MTA2: variants seen among roughly 807,000 people sequenced by gnomAD.
MTA2 encodes metastasis associated 1 family member 2, also known as metastasis-associated protein MTA2.
A neutral mutation model predicts 87.1 loss-of-function variants in MTA2; 22 were observed. The observed-to-expected ratio is 0.25, with a 90% confidence interval of 0.18 to 0.36. The LOEUF is 0.36. MTA2 is among the 10% of genes least tolerant of loss of function. MTA2 has a pLI of 1.00. For missense variants in MTA2, 542 were observed against 853.2 expected (o/e 0.64, Z 4.54); for synonymous variants, 314 against 310.1 (o/e 1.01, Z -0.13).
Position 62,598,545 on chromosome 11 carries a change from T to C in MTA2, c.285A>G (p.Glu95=). The C allele has an allele frequency of 1.9e-6, 3 of 1,614,100 alleles. No homozygotes were observed. The highest frequency in any genetic ancestry group is 2.5e-6 in the Non-Finnish European group (3 of 1,180,036). The change falls in exon 4 of 18, where the codon GAA becomes GAG. Residue 95 remains glutamate, a synonymous_variant. Coordinates refer to ENST00000278823, the MANE Select transcript of MTA2 (RefSeq NM_004739.4). The stretch of plus-strand genomic sequence containing the variant: ...ACCGTATGTGGGTGGCTGGTAATGA[T>C]TCAAATTGCCGAGAAAGAAAAAGTT... ...HRELFLSRQF[E]SLPATHIRGK...
rs1942057464 is a variant in MTA2, at chr11:62,593,817, TG to T, written c.*57del. On this transcript the variant is annotated 3_prime_UTR_variant, in exon 18 of 18. Coordinates refer to ENST00000278823, the MANE Select transcript of MTA2 (RefSeq NM_004739.4). ...TTCGACACGAAAGGGAAGGGAGGTT[TG>T]GGTGCCCTGGGCATCCACCCTCTAC... 6.2e-7 allele frequency: 1 copy of T among 1,601,122 alleles called. No individual in the cohort carries two copies. Among genetic ancestry groups the T allele is most frequent in the Admixed American group, 1.7e-5 (1 of 59,074 alleles).
rs543278080 is a variant in MTA2, at chr11:62,599,641, G to A, written c.190+525C>T. Among the ~76,000 whole-genome samples the A allele has an allele frequency of 9.4e-5, 14 of 149,616 alleles. No individual in the cohort carries two copies. In the South Asian group the frequency reaches 2.8e-3, roughly 30 times the overall value. On this transcript the variant is annotated intron_variant, in intron 3 of 17. Coordinates refer to ENST00000278823, the MANE Select transcript of MTA2 (RefSeq NM_004739.4). ...GAGACCTTAAAGAGAATGAAGATAG[G>A]GCAAAATGAAAAGGGAAAGATGTAA... is the stretch of plus-strand genomic sequence containing the variant.
Position 62,598,159 on chromosome 11 carries a change from C to T in MTA2, c.373-18G>A, listed in dbSNP as rs1202461784. On this transcript the variant is annotated intron_variant, in intron 5 of 17. Coordinates refer to ENST00000278823, the MANE Select transcript of MTA2 (RefSeq NM_004739.4). ...AAGCAGTCCTGGAATTGGGGAGAGACAAGGTAAGCAAGGCAGCAATCCACA... is the reference window on the plus strand; with the variant it reads ...AAGCAGTCCTGGAATTGGGGAGAGATAAGGTAAGCAAGGCAGCAATCCACA... 6.2e-7 allele frequency: 1 copy of T among 1,611,382 alleles called. No homozygotes were observed. The highest frequency in any genetic ancestry group is 8.5e-7 in the Non-Finnish European group (1 of 1,177,876).
Position 62,601,454 on chromosome 11 carries a change from C to A in MTA2, c.-4G>T. On this transcript the variant is annotated 5_prime_UTR_variant, in exon 1 of 18. Transcript: ENST00000278823. ...CCCGGTACATGTTGGCCGCCATGGCCGTTCCCGCCGCCGCCTCCGGCCGCA... is the reference window on the plus strand; with the variant it reads ...CCCGGTACATGTTGGCCGCCATGGCAGTTCCCGCCGCCGCCTCCGGCCGCA... 1 of 1,609,268 alleles carries A rather than the reference C, an allele frequency of 6.2e-7. No individual in the cohort carries two copies. Among genetic ancestry groups the A allele is most frequent in the Non-Finnish European group, 8.5e-7 (1 of 1,178,326 alleles).
Position 62,594,338 on chromosome 11 carries a change from G to A in MTA2, c.1762C>T (p.Gln588Ter). 1 of 1,614,220 alleles carries A rather than the reference G, an allele frequency of 6.2e-7. No individual in the cohort carries two copies. Among genetic ancestry groups the A allele is most frequent in the Non-Finnish European group, 8.5e-7 (1 of 1,180,054 alleles). The stretch of plus-strand genomic sequence containing the variant: ...AGTTTCTGACGCTTGGCTGCTGGCT[G>A]TGAGCTTGAACGAATCCCTGAAGCC... The part of the protein sequence containing the change: ...PLASGIRSSS[Q>*]PAAKRQKLNP... The change falls in exon 17 of 18, where the codon CAG (glutamine) becomes TAG (stop). Residue 588 changes from glutamine to a stop codon, truncating the protein, a stop_gained. Coordinates refer to ENST00000278823, the MANE Select transcript of MTA2 (RefSeq NM_004739.4). LOFTEE classifies it high-confidence loss of function.
rs761475332 is a variant in MTA2, at chr11:62,593,946, G to A, written c.1936C>T (p.Arg646Trp). The stretch of plus-strand genomic sequence containing the variant: ...GGTGCAGGTAGAGGGACAGGGGGCC[G>A]CACTGCAATCAGCGTTGGCTTCACC... ...LKVKPTLIAV[R>W]PPVPLPAPSH... The change falls in exon 18 of 18, where the codon CGG becomes TGG. Residue 646 changes from arginine (R) to tryptophan (W), a missense_variant. This residue lies in a region of MTA2 where 269 missense variants were observed against 346.4 expected (regional missense o/e 0.78). Transcript: ENST00000278823. The A allele has an allele frequency of 4.3e-6, 7 of 1,614,026 alleles. No homozygotes were observed. The highest frequency in any genetic ancestry group is 2.7e-5 in the African/African-American group (2 of 74,904).
Position 62,598,037 on chromosome 11 carries a change from A to G in MTA2, c.477T>C (p.Asp159=). ...VGCKYQAEIP[D]RLVEGESDNR... Reference sequence around the variant, plus strand: ...CCTGTTGCTTACCCTCTACTAGGCGATCTGGGATCTCAGCTTGGTATTTGC... The same window carrying G: ...CCTGTTGCTTACCCTCTACTAGGCGGTCTGGGATCTCAGCTTGGTATTTGC... Residue 159 remains aspartate (D), a synonymous_variant, in exon 6 of 18, where the codon GAT becomes GAC. Transcript: ENST00000278823. 1 of 1,613,976 alleles carries G rather than the reference A, an allele frequency of 6.2e-7. No homozygotes were observed. The highest frequency in any genetic ancestry group is 8.5e-7 in the Non-Finnish European group (1 of 1,179,938).
In MTA2 at chr11:62,601,492, G is replaced by A. The variant is rs1942199750; in HGVS notation, c.-42C>T. 1 of 1,594,012 alleles carries A rather than the reference G, an allele frequency of 6.3e-7. No homozygotes were observed. The highest frequency in any genetic ancestry group is 8.5e-7 in the Non-Finnish European group (1 of 1,172,228). On this transcript the variant is annotated 5_prime_UTR_variant, in exon 1 of 18. Coordinates refer to ENST00000278823, the MANE Select transcript of MTA2 (RefSeq NM_004739.4). ...GCCTCCGGCCGCACAAAGGGGTCCG[G>A]GAGGCTCGCGGGGGCAGGGCTCGGC...
chr11:62,599,814 A>G (rs1942153467), intron 3 of MTA2, among the ~76,000 whole-genome samples: 1 of 152,108 alleles, frequency 6.6e-6, no homozygotes, highest in Non-Finnish European at 1.5e-5. Flanking sequence ...TTCTCAGTAC[A>G]ATGTCTTCCT....
Position 62,598,067 on chromosome 11 carries a change from A to G in MTA2, c.447T>C (p.Val149=). 1 of 1,614,110 alleles carries G rather than the reference A, an allele frequency of 6.2e-7. No individual in the cohort carries two copies. Among genetic ancestry groups the G allele is most frequent in the Non-Finnish European group, 8.5e-7 (1 of 1,180,016 alleles). ...GGATCTCAGCTTGGTATTTGCAACC[A>G]ACTCTAATCTCGCCCTGATCAGCGA... The part of the protein sequence containing the change: ...TLLADQGEIR[V]GCKYQAEIPD... Residue 149 remains valine, a synonymous_variant, in exon 6 of 18, where the codon GTT becomes GTC. Transcript: ENST00000278823.
intron 6 of MTA2, 26 bp from the exon 7 acceptor site, chr11:62,597,738 CAG>C: frequency 6.3e-7 from 1 of 1,593,892 alleles, no homozygotes; most frequent in Non-Finnish European, 8.6e-7. Flanking sequence ...ATGGCATCAA[CAG>C]GGAGAGGGCA....
rs746383782 is a variant in MTA2 at position 62,596,443 on chromosome 11, C to A, written c.957+15G>T. 30 of 1,613,674 alleles carry A rather than the reference C, an allele frequency of 1.9e-5. No individual in the cohort carries two copies. Among genetic ancestry groups the A allele is most frequent in the Non-Finnish European group, 2.5e-5 (30 of 1,179,742 alleles). ...CAGGTAGCCTATGGTCCACCCTCCC[C>A]AGCCCAGATAATACCTGCTGAATAT... On this transcript the variant is annotated intron_variant, in intron 10 of 17. Coordinates refer to ENST00000278823, the MANE Select transcript of MTA2 (RefSeq NM_004739.4).
intron 17 of MTA2, 70 bp from the exon 18 acceptor site, chr11:62,594,110 C>T: frequency 1.3e-6 from 2 of 1,550,530 alleles, no homozygotes; most frequent in African/African-American, 1.4e-5. Context: ...TGAAGCCCCA[C>T]ACTGCAATTA....
At chr11:62,600,755 G>A (rs1942174915) in intron 1 of MTA2, 66 bp from the exon 2 acceptor site, 3 of 1,472,686 alleles carry the variant, frequency 2.0e-6, no homozygotes, top group East Asian at 2.3e-5. Context: ...GAGCACCAGG[G>A]TAGGAGAGAA....
rs777570881 is a variant in MTA2, at chr11:62,595,298, A to G, written c.1449T>C (p.Tyr483=). Residue 483 remains tyrosine, a synonymous_variant, in exon 14 of 18, where the codon TAT becomes TAC. Coordinates refer to ENST00000278823, the MANE Select transcript of MTA2 (RefSeq NM_004739.4). This position sits in a 1 kb window ranked among gnomAD's most constrained non-coding sequence, Gnocchi z 4.9. ...LQPRRAARRP[Y]APINANAIKA... is the part of the protein sequence containing the mutation. ...TGATGGCATTGGCATTGATAGGAGC[A>G]TAAGGCCGTCGGGCGGCCCTCCTTG... The G allele has an allele frequency of 2.3e-5, 37 of 1,614,132 alleles. No individual in the cohort carries two copies. The African/African-American group carries it at 4.8e-4, about 21-fold the overall frequency.
intron 3 of MTA2, among the ~76,000 whole-genome samples, chr11:62,599,618 G>A (rs1047649843): frequency 1.4e-5 from 2 of 144,448 alleles, no homozygotes; most frequent in African/African-American, 2.6e-5. Context: ...AAGAAGATGA[G>A]ACCTTAAAGA....
chr11:62,598,199 G>T (rs1942125571), intron 5 of MTA2, 58 bp from the exon 6 acceptor site: 1 of 1,574,564 alleles, frequency 6.4e-7, no homozygotes, highest in African/African-American at 1.3e-5. Flanking sequence ...CGGCGGGGAG[G>T]GAGGTGTATC....
chr11:62,596,546 AG>A lies in MTA2; in HGVS notation c.883-15del. On this transcript the variant is annotated splice_polypyrimidine_tract_variant and intron_variant, in intron 9 of 17. Coordinates refer to ENST00000278823, the MANE Select transcript of MTA2 (RefSeq NM_004739.4). ...CTTCCAGGGTAGCTAAGGGGGGCAG[AG>A]GGAGGAAGAATGAGCTGGCATCTGG... 1 of 1,614,002 alleles carries A rather than the reference AG, an allele frequency of 6.2e-7. No individual in the cohort carries two copies. Among genetic ancestry groups the A allele is most frequent in the Non-Finnish European group, 8.5e-7 (1 of 1,179,894 alleles).
In MTA2 at chr11:62,595,112, C is replaced by G; in HGVS notation, c.1484-42G>C. 6.3e-7 allele frequency: 1 copy of G among 1,599,512 alleles called. No individual in the cohort carries two copies. Among genetic ancestry groups the G allele is most frequent in the Non-Finnish European group, 8.6e-7 (1 of 1,169,290 alleles). On this transcript the variant is annotated intron_variant, in intron 14 of 17. Coordinates refer to ENST00000278823, the MANE Select transcript of MTA2 (RefSeq NM_004739.4). The surrounding 1 kb of genome is among the most constrained non-coding windows in gnomAD (Gnocchi z 4.9). ...AAAGCTTCTGAAGGGCTTCACCATT[C>G]AGGTCTCCTCTAAGGCCAGAAGCCA...
Sources: allele counts gnomAD v4.1 joint callset (sites outside exome capture counted in the v4.1 genomes callset), GRCh38; gene constraint gnomAD v4.1.1; regional missense constraint gnomAD v4.1.1; non-coding constraint Gnocchi (gnomAD v3.1); transcripts MANE v1.5; gene names NCBI Gene and HGNC (gene_info 2026-07-23, HGNC 2026-07-21).